The following NFIA variants were observed in gnomAD, a reference collection of about 807,000 sequenced individuals.
NFIA encodes the protein nuclear factor I A, also known as nuclear factor 1 A-type.
NFIA carries 8 observed loss-of-function variants against 62.8 expected under a neutral mutation model. The ratio of observed to expected loss-of-function variants is 0.13; its 90% CI spans 0.07 to 0.23. The LOEUF (loss-of-function observed/expected upper bound fraction) is 0.23, where lower values mean the gene tolerates loss of function less well. NFIA is among the 10% of genes least tolerant of loss of function. The probability of loss-of-function intolerance (pLI) is 1.00; values close to 1 mark genes in which losing one functional copy is unlikely to be tolerated. For synonymous variants in NFIA, 235 were observed against 238.1 expected (o/e 0.99, Z 0.12); for missense variants, 410 against 642.1 (o/e 0.64, Z 3.91).
At chr1:61,127,294 A>G (rs932132029) in intron 2 of NFIA, among the ~76,000 whole-genome samples, 2 of 151,850 alleles carry the variant, frequency 1.3e-5, no homozygotes, top group Non-Finnish European at 2.9e-5. Flanking sequence ...CATCTCTACT[A>G]AAAATACAAA....
At chr1:61,226,145 T>C (rs1361297504) in intron 2 of NFIA, among the ~76,000 whole-genome samples, 1 of 152,212 alleles carries the variant, frequency 6.6e-6, no homozygotes, top group Non-Finnish European at 1.5e-5. Flanking sequence ...TGTGGTACGA[T>C]AGTAGTAGCA....
In NFIA at chr1:61,399,768, C is replaced by G. The variant is rs573394034; in HGVS notation, c.1076-4336C>G. Among the ~76,000 whole-genome samples the G allele has an allele frequency of 4.6e-5, 7 of 152,316 alleles. No homozygotes were observed. The South Asian group carries it at 1.4e-3, about 32-fold the overall frequency. ...ACCATCCTATTTCATATGGCCCACG[C>G]TTAGATTTTCTAACTAGTTCTGACT... On this transcript the variant is annotated intron_variant, in intron 7 of 10. Transcript: ENST00000403491.
intron 2 of NFIA, among the ~76,000 whole-genome samples, chr1:61,221,949 G>A (rs375194735): frequency 6.6e-6 from 1 of 152,126 alleles, no homozygotes; most frequent in African/African-American, 2.4e-5. Context: ...TGGGCAAAAT[G>A]AACAGACATT....
At position 61,140,672 on chromosome 1, in the gene NFIA, G is replaced by A. The variant is rs575744464; in HGVS notation, c.559+51992G>A. On this transcript the variant is annotated intron_variant, in intron 2 of 10. Transcript: ENST00000403491. ...CCCTGCTGGAATGTAGCATGGGAAA[G>A]CTCCTTCCAAAAGGCTATTACCTCT... 3.9e-5 allele frequency among the ~76,000 whole-genome samples: 6 copies of A among 152,208 alleles called. No homozygotes were observed. In the East Asian group the frequency reaches 7.7e-4, roughly 20 times the overall value.
intron 4 of NFIA, among the ~76,000 whole-genome samples, chr1:61,335,507 C>T (rs1661555183): frequency 6.6e-6 from 1 of 152,112 alleles, no homozygotes; most frequent in Admixed American, 6.5e-5. Context: ...ATGCTTTTTG[C>T]AGATGAGTGG....
chr1:61,203,541 A>G (rs954843765), intron 2 of NFIA, among the ~76,000 whole-genome samples: 2 of 152,042 alleles, frequency 1.3e-5, no homozygotes, highest in South Asian at 4.2e-4. Context: ...GGCTGCCTCA[A>G]AACTTTTGTG....
At chr1:61,372,369 T>C (rs1663933728) in intron 6 of NFIA, among the ~76,000 whole-genome samples, 1 of 152,068 alleles carries the variant, frequency 6.6e-6, no homozygotes, top group African/African-American at 2.4e-5. Flanking sequence ...GTTAAGAAAA[T>C]AGCATGCTTT....
chr1:61,205,052 A>G (rs1652805590), intron 2 of NFIA, among the ~76,000 whole-genome samples: 1 of 152,182 alleles, frequency 6.6e-6, no homozygotes, highest in Non-Finnish European at 1.5e-5. Flanking sequence ...CCAATTATAA[A>G]TTCATTTTCA....
intron 2 of NFIA, among the ~76,000 whole-genome samples, chr1:61,116,440 G>A (rs906449760): frequency 6.6e-6 from 1 of 152,080 alleles, no homozygotes; most frequent in Non-Finnish European, 1.5e-5. Flanking sequence ...CAGGAACAAC[G>A]TTTTGTGCAC....
In NFIA at chr1:61,267,202, A is replaced by T. The variant is rs186689072; in HGVS notation, c.560-10318A>T. 4.4e-3 allele frequency among the ~76,000 whole-genome samples: 671 copies of T among 151,854 alleles called. 9 individuals are homozygous for T. The highest frequency in any genetic ancestry group is 0.016 in the African/African-American group (646 of 41,460). On this transcript the variant is annotated intron_variant, in intron 2 of 10. Coordinates refer to ENST00000403491, the MANE Select transcript of NFIA (RefSeq NM_001134673.4). ...GTTTCTAAGGAGAAAAGTCTGATTT[A>T]AAAAAAAATATTTTTATACTTTTAG...
At chr1:61,119,020 CT>C (rs1160482011) in intron 2 of NFIA, among the ~76,000 whole-genome samples, 2 of 151,962 alleles carry the variant, frequency 1.3e-5, no homozygotes, top group East Asian at 3.9e-4. Flanking sequence ...AGGTCTTTTC[CT>C]CCTATAATAC....
intron 2 of NFIA, among the ~76,000 whole-genome samples, chr1:61,240,144 T>C (rs1655257717): frequency 2.0e-5 from 3 of 152,156 alleles, no homozygotes; most frequent in Admixed American, 2.0e-4. Flanking sequence ...CTCTGTATAG[T>C]ATTAAGTGAA....
At chr1:61,212,059 A>G (rs1053323338) in intron 2 of NFIA, among the ~76,000 whole-genome samples, 10 of 152,114 alleles carry the variant, frequency 6.6e-5, no homozygotes, top group Non-Finnish European at 1.2e-4. Flanking sequence ...TAAATTAGCA[A>G]ATTGGGTTGT....
At chr1:61,436,656 C>T (rs890354110) in intron 10 of NFIA, among the ~76,000 whole-genome samples, 26 of 152,172 alleles carry the variant, frequency 1.7e-4, no homozygotes, top group African/African-American at 6.0e-4. Flanking sequence ...TTCTCACACC[C>T]ACCTGCTTAC....
intron 5 of NFIA, among the ~76,000 whole-genome samples, chr1:61,358,379 C>CTTTTTTTTTTTT (rs34853369): frequency 4.0e-4 from 21 of 52,612 alleles, no homozygotes; most frequent in East Asian, 6.4e-4. Context: ...TTCTTTCTTT[C>CTTTTTTTTTTTT]TTTTTTTTTT....
Position 61,455,485 on chromosome 1 carries a change from C to A in NFIA, c.*165C>A. ...ACATGGAAACAGCAAGCATTATGGT[C>A]AAACAGCAAAGGCCATAACCTTTTG... On this transcript the variant is annotated 3_prime_UTR_variant, in exon 11 of 11. Transcript: ENST00000403491. 2 of 1,103,404 alleles carry A rather than the reference C, an allele frequency of 1.8e-6. No individual in the cohort carries two copies. The highest frequency in any genetic ancestry group is 2.9e-5 in the South Asian group (2 of 69,986). The allele number at this position is 1,103,404 out of a possible 1,614,324, so 68.4% of individuals were successfully genotyped here.
chr1:61,266,369 A>C (rs184097049), intron 2 of NFIA, among the ~76,000 whole-genome samples: 5,552 of 148,090 alleles, frequency 0.037, 169 homozygotes, highest in Non-Finnish European at 0.052. Context: ...TTCTTTCTTT[A>C]TTTTTTATTT....
chr1:61,185,149 C>T (rs12065271), intron 2 of NFIA, among the ~76,000 whole-genome samples: 23,616 of 152,058 alleles, frequency 0.16, 2,902 homozygotes, highest in African/African-American at 0.32. Context: ...TGCACCCTGA[C>T]ATGTGTTAAG....
At chr1:61,192,142 T>A (rs1651676979) in intron 2 of NFIA, among the ~76,000 whole-genome samples, 2 of 152,014 alleles carry the variant, frequency 1.3e-5, no homozygotes, top group African/African-American at 2.4e-5. Context: ...GTATTTCTAG[T>A]AGACATGGGA....
Sources: gnomAD v4.1 joint callset for allele counts (sites outside exome capture counted in the v4.1 genomes callset) on GRCh38, gnomAD v4.1.1 for gene constraint, MANE v1.5 for transcripts, NCBI Gene and HGNC (gene_info 2026-07-23, HGNC 2026-07-21) for gene names.